ATRX: variants seen among roughly 807,000 people sequenced by gnomAD.
ATRX encodes ATRX chromatin remodeler.
Under a neutral mutation model 172.6 loss-of-function variants are expected in ATRX, and 12 were observed. The ratio of observed to expected loss-of-function variants is 0.07; its 90% CI spans 0.04 to 0.11. The LOEUF is 0.11. ATRX is among the 10% of genes least tolerant of loss of function. The pLI, the probability that ATRX is intolerant of heterozygous loss-of-function variation, is 1.00. For missense variants in ATRX, 1,368 were observed against 1,767.4 expected (o/e 0.77, Z 4.05); for synonymous variants, 674 against 594.7 (o/e 1.13, Z -1.94).
intron 1 of ATRX, among the ~76,000 whole-genome samples, chrX:77,735,958 C>T (rs2074541805): frequency 9.2e-6 from 1 of 108,384 alleles, no homozygotes; most frequent in Admixed American, 9.9e-5. Context: ...GAGCTGAGAC[C>T]GTGCCATTGC....
intron 5 of ATRX, among the ~76,000 whole-genome samples, chrX:77,696,275 T>C (rs45458799): frequency 8.9e-6 from 1 of 111,826 alleles, no homozygotes; most frequent in African/African-American, 3.2e-5. Flanking sequence ...ACCTAATATA[T>C]TAAATTTTTA....
intron 2 of ATRX, among the ~76,000 whole-genome samples, chrX:77,708,115 CA>C (rs2072927765): frequency 8.9e-6 from 1 of 111,851 alleles, no homozygotes; most frequent in Non-Finnish European, 1.9e-5. Context: ...TGGCTACACA[CA>C]AAAAACTGTA....
intron 10 of ATRX, among the ~76,000 whole-genome samples, chrX:77,672,640 C>T (rs1376761747): frequency 1.8e-5 from 2 of 109,893 alleles, no homozygotes; most frequent in African/African-American, 6.6e-5. Flanking sequence ...TTAAATATAA[C>T]AATGGGACAA....
intron 1 of ATRX, among the ~76,000 whole-genome samples, chrX:77,777,191 T>TAA (rs782165810): frequency 0.055 from 1,157 of 20,950 alleles, 306 homozygotes; most frequent in African/African-American, 0.16. Flanking sequence ...CTGTCTCTAC[T>TAA]AAAAAAAAAA....
intron 31 of ATRX, 91 bp downstream of exon 31, chrX:77,523,161 A>G: frequency 9.4e-7 from 1 of 1,065,860 alleles, no homozygotes; most frequent in Non-Finnish European, 1.3e-6. Flanking sequence ...CTATATTATT[A>G]TTACCTGTTT....
intron 19 of ATRX, among the ~76,000 whole-genome samples, chrX:77,630,904 A>G (rs1172447861): frequency 2.7e-5 from 3 of 111,912 alleles, no homozygotes; most frequent in Non-Finnish European, 5.6e-5. Flanking sequence ...AATTTTAAAG[A>G]TTAGTACTGA....
chrX:77,697,680 C>T (rs782095568), intron 3 of ATRX, 45 bp from the exon 4 acceptor site: 41 of 1,110,619 alleles, frequency 3.7e-5, no homozygotes, highest in Non-Finnish European at 4.8e-5. Context: ...ATTCTCGAAA[C>T]GGCATCCCTA....
chrX:77,511,887 G>A (rs1557036732), intron 34 of ATRX, among the ~76,000 whole-genome samples: 3 of 111,631 alleles, frequency 2.7e-5, no homozygotes, highest in South Asian at 7.5e-4. Flanking sequence ...CAGAGAGACA[G>A]ATAGGGGTAT....
At chrX:77,646,955 CAT>C (rs1303987549) in intron 15 of ATRX, among the ~76,000 whole-genome samples, 16 of 107,864 alleles carry the variant, frequency 1.5e-4, no homozygotes, top group Non-Finnish European at 5.8e-5. Flanking sequence ...ACCTAACAGA[CAT>C]ATAAAGAACA....
chrX:77,724,418 G>A (rs1304535262), intron 1 of ATRX, among the ~76,000 whole-genome samples: 2 of 107,325 alleles, frequency 1.9e-5, no homozygotes, highest in Non-Finnish European at 3.8e-5. Context: ...CCTTTGGAGA[G>A]AGGGAGTCTC....
At chrX:77,739,988 G>C (rs1408431168) in intron 1 of ATRX, among the ~76,000 whole-genome samples, 3 of 96,723 alleles carry the variant, frequency 3.1e-5, no homozygotes, top group African/African-American at 7.4e-5. Context: ...GGGAGGCAGA[G>C]GTTTTAGTGA....
intron 22 of ATRX, among the ~76,000 whole-genome samples, chrX:77,605,594 A>C (rs1049521874): frequency 3.9e-4 from 43 of 111,381 alleles, no homozygotes; most frequent in Non-Finnish European, 7.9e-4. Flanking sequence ...AAACTCTTCC[A>C]AAAAACAGAA....
At chrX:77,756,625 C>T (rs1265864912) in intron 1 of ATRX, among the ~76,000 whole-genome samples, 1 of 109,779 alleles carries the variant, frequency 9.1e-6, no homozygotes, top group East Asian at 2.9e-4. Flanking sequence ...CCGGGAGAGG[C>T]GACGCCCCAC....
intron 6 of ATRX, chrX:77,691,192 T>C (rs1183020337): frequency 1.8e-5 from 2 of 112,076 alleles, no homozygotes; most frequent in East Asian, 2.8e-4. Context: ...TGCACACACA[T>C]GCACATGCAT....
Position 77,684,145 on chromosome X carries a change from C to G in ATRX, c.1111G>C (p.Val371Leu), listed in dbSNP as rs782128117. Residue 371 changes from valine to leucine, a missense_variant, in exon 9 of 35, where the codon GTT becomes CTT. Coordinates refer to ENST00000373344, the MANE Select transcript of ATRX (RefSeq NM_000489.6). ...TCTGTTGCCTGCTTTAAAAATTTAA[C>G]ATAACTGGAGTTCATGTTGGCTGTG... ...ETTANMNSSY[V>L]KFLKQATDNS... is the part of the protein sequence containing the mutation. 5 of 1,206,614 alleles carry G rather than the reference C, an allele frequency of 4.1e-6. No homozygotes were observed. Among genetic ancestry groups the G allele is most frequent in the Non-Finnish European group, 5.6e-6 (5 of 893,502 alleles).
chrX:77,731,480 C>T (rs1043488462), intron 1 of ATRX, among the ~76,000 whole-genome samples: 2 of 111,773 alleles, frequency 1.8e-5, no homozygotes, highest in Non-Finnish European at 3.8e-5. Context: ...TGGTGAAACC[C>T]CACGTTCAAG....
chrX:77,590,595 G>C (rs1416322139), intron 26 of ATRX, among the ~76,000 whole-genome samples: 1 of 96,379 alleles, frequency 1.0e-5, no homozygotes, highest in Non-Finnish European at 2.1e-5. Flanking sequence ...TTGGGTGACA[G>C]AGCGAGACTC....
chrX:77,623,785 G>A (rs1341801734), intron 19 of ATRX, among the ~76,000 whole-genome samples: 1 of 111,494 alleles, frequency 9.0e-6, no homozygotes, highest in African/African-American at 3.3e-5. Context: ...CACATAAACA[G>A]AATTAAAAAC....
At chrX:77,599,867 A>G (rs2066611432) in intron 23 of ATRX, 47 bp from the exon 24 acceptor site, 1 of 988,739 alleles carries the variant, frequency 1.0e-6, no homozygotes, top group Admixed American at 2.2e-5. Context: ...ATCTCAACTT[A>G]CACTGGAAAT....
Sources: gnomAD v4.1 joint callset for allele counts (sites outside exome capture counted in the v4.1 genomes callset) on GRCh38, gnomAD v4.1.1 for gene constraint, MANE v1.5 for transcripts, NCBI Gene and HGNC (gene_info 2026-07-23, HGNC 2026-07-21) for gene names.